Variants in GALK2 observed in about 807,000 individuals in gnomAD.
The protein encoded by GALK2 is N-acetylgalactosamine kinase.
In GALK2, 36 loss-of-function variants were observed where a neutral mutation model predicts 52.4. That is an observed-to-expected ratio of 0.69 (90% confidence interval 0.53 to 0.91). GALK2 has a LOEUF of 0.91. Among genes scored for constraint, GALK2 ranks in the 40% least tolerant of loss-of-function variants. The probability of loss-of-function intolerance (pLI) is 0.00; values close to 1 mark genes in which losing one functional copy is unlikely to be tolerated. For missense variants in GALK2, 579 were observed against 559.1 expected, an observed-to-expected ratio of 1.04 and a Z score of -0.36; for synonymous variants, 176 against 199.1, an observed-to-expected ratio of 0.88 and a Z score of 0.98.
In GALK2 at chr15:49,284,096, G is replaced by A. The variant is rs921136649; in HGVS notation, c.756+378G>A. 1.4e-4 allele frequency among the ~76,000 whole-genome samples: 22 copies of A among 152,130 alleles called. No homozygotes were observed. In the South Asian group the frequency reaches 4.6e-3, roughly 32 times the overall value. ...CCTCTAAGATGCAGTTTTTTTATTGGGTTATCATTCGTTACTCCAAAAATA... is the reference window on the plus strand; with the variant it reads ...CCTCTAAGATGCAGTTTTTTTATTGAGTTATCATTCGTTACTCCAAAAATA... On this transcript the variant is annotated intron_variant, in intron 7 of 9. Transcript: ENST00000560031.
intron 5 of GALK2, among the ~76,000 whole-genome samples, chr15:49,271,202 A>C (rs1444569254): frequency 6.6e-6 from 1 of 152,198 alleles, no homozygotes; most frequent in Non-Finnish European, 1.5e-5. Flanking sequence ...GCTGGTATTT[A>C]GTAGCTGTGA....
chr15:49,303,538 A>G (rs1402446752), intron 8 of GALK2, among the ~76,000 whole-genome samples: 1 of 152,192 alleles, frequency 6.6e-6, no homozygotes, highest in Non-Finnish European at 1.5e-5. Context: ...AGCTGCTCCT[A>G]TGTAGACCTT....
intron 3 of GALK2, among the ~76,000 whole-genome samples, chr15:49,232,755 A>G (rs1177006843): frequency 2.0e-5 from 3 of 152,222 alleles, no homozygotes; most frequent in Non-Finnish European, 4.4e-5. Context: ...AAAGTTCCAC[A>G]TACCCCTAGA....
chr15:49,164,780 CAAAAAAAAAAAAAAAAAA>C (rs36107125), intron 1 of GALK2, among the ~76,000 whole-genome samples: 1 of 65,182 alleles, frequency 1.5e-5, no homozygotes, highest in South Asian at 6.3e-4. Context: ...AACTCCGTCT[CAAAAAAAAAAAAAAAAAA>C]AAAAAAAAGA....
At chr15:49,185,316 T>C (rs1053336947) in intron 1 of GALK2, among the ~76,000 whole-genome samples, 20 of 152,340 alleles carry the variant, frequency 1.3e-4, no homozygotes, top group African/African-American at 3.8e-4. Context: ...GTATTACTCT[T>C]TTTTATGGCT....
At chr15:49,246,686 G>GT (rs1358967445) in intron 5 of GALK2, among the ~76,000 whole-genome samples, 2 of 152,158 alleles carry the variant, frequency 1.3e-5, no homozygotes, top group Admixed American at 6.6e-5. Flanking sequence ...TCCTTTGAGA[G>GT]TTATAGTTCA....
chr15:49,223,521 A>G (rs1033498177), intron 3 of GALK2, among the ~76,000 whole-genome samples: 1 of 152,076 alleles, frequency 6.6e-6, no homozygotes, highest in African/African-American at 2.4e-5. Context: ...TTCAGCCCAC[A>G]CTTCCTGCCT....
intron 1 of GALK2, among the ~76,000 whole-genome samples, chr15:49,173,903 T>G (rs1204232744): frequency 2.0e-5 from 3 of 152,040 alleles, no homozygotes; most frequent in Non-Finnish European, 4.4e-5. Context: ...CCACCATGTC[T>G]GGCTAATTTT....
At chr15:49,294,251 T>C (rs992724425) in intron 8 of GALK2, among the ~76,000 whole-genome samples, 1 of 152,014 alleles carries the variant, frequency 6.6e-6, no homozygotes, top group Non-Finnish European at 1.5e-5. Context: ...AAATAATAAA[T>C]AGGTATTTCC....
At chr15:49,357,040 AACAAAGAC>A (rs1236328134) in intron 3 of GALK2, among the ~76,000 whole-genome samples, 4 of 151,750 alleles carry the variant, frequency 2.6e-5, no homozygotes, top group Non-Finnish European at 5.9e-5. Context: ...AACCAACGAG[AACAAAGAC>A]ACAACATACC....
At chr15:49,189,830 A>G (rs2086602049) in intron 1 of GALK2, among the ~76,000 whole-genome samples, 1 of 152,190 alleles carries the variant, frequency 6.6e-6, no homozygotes, top group Non-Finnish European at 1.5e-5. Flanking sequence ...ATAGTGTGCA[A>G]TTTAAAACTT....
chr15:49,238,743 T>C (rs2090954638), intron 4 of GALK2, among the ~76,000 whole-genome samples: 1 of 152,158 alleles, frequency 6.6e-6, no homozygotes, highest in Non-Finnish European at 1.5e-5. Context: ...AGTAAGGCAC[T>C]CCTTAGAAAC....
intron 3 of GALK2, chr15:49,344,115 T>A (rs1432816563): frequency 6.6e-6 from 1 of 152,174 alleles, no homozygotes; most frequent in African/African-American, 2.4e-5. Context: ...AACTAAACCT[T>A]ATGAAATCTC....
chr15:49,189,651 A>G (rs2086590280), intron 1 of GALK2, among the ~76,000 whole-genome samples: 2 of 152,160 alleles, frequency 1.3e-5, no homozygotes, highest in Non-Finnish European at 2.9e-5. Context: ...TTACTTGAAC[A>G]CAAGCACTGC....
At chr15:49,314,639 TA>T (rs999649349) in intron 8 of GALK2, among the ~76,000 whole-genome samples, 9 of 152,378 alleles carry the variant, frequency 5.9e-5, no homozygotes, top group South Asian at 2.1e-4. Context: ...CTGCTAGAGA[TA>T]GTTATGAAGA....
chr15:49,199,614 C>T (rs1363001511), intron 1 of GALK2, among the ~76,000 whole-genome samples: 1 of 152,072 alleles, frequency 6.6e-6, no homozygotes, highest in Non-Finnish European at 1.5e-5. Context: ...TTTATCTTTC[C>T]TGTATGGATA....
chr15:49,285,890 A>C (rs1464181294), intron 7 of GALK2, among the ~76,000 whole-genome samples: 1 of 152,150 alleles, frequency 6.6e-6, no homozygotes, highest in African/African-American at 2.4e-5. Context: ...GGTCCATATC[A>C]CGACCTGGAG....
chr15:49,186,490 A>G (rs768741079), intron 1 of GALK2, among the ~76,000 whole-genome samples: 1 of 150,204 alleles, frequency 6.7e-6, no homozygotes, highest in African/African-American at 2.4e-5. Context: ...TATTTGTTAA[A>G]TTTATCTGAT....
intron 3 of GALK2, chr15:49,366,621 G>A: frequency 1.3e-6 from 2 of 1,590,778 alleles, no homozygotes; most frequent in Non-Finnish European, 1.7e-6. Flanking sequence ...GCGGCTGTCA[G>A]CTGGAGCAGG....
Sources: gnomAD v4.1 joint callset for allele counts (sites outside exome capture counted in the v4.1 genomes callset) on GRCh38, gnomAD v4.1.1 for gene constraint, MANE v1.5 for transcripts, NCBI Gene and HGNC (gene_info 2026-07-23, HGNC 2026-07-21) for gene names.